Variants in PCDHGA11 observed in about 807,000 individuals in gnomAD.
PCDHGA11 encodes protocadherin gamma subfamily A, 11, also known as protocadherin gamma-A11.
A neutral mutation model predicts 60.4 loss-of-function variants in PCDHGA11; 39 were observed. The observed-to-expected ratio is 0.65, with a 90% CI of 0.50 to 0.84. The LOEUF (loss-of-function observed/expected upper bound fraction) is 0.84, where lower values mean the gene tolerates loss of function less well. PCDHGA11 is among the 40% of genes least tolerant of loss of function. The pLI is 0.00. For synonymous variants in PCDHGA11, 533 were observed against 510.3 expected (o/e 1.04, Z -0.60); for missense variants, 1,165 against 1,197.7 (o/e 0.97, Z 0.40).
At chr5:141,465,094 GT>G (rs138941665) in intron 1 of PCDHGA11, among the ~76,000 whole-genome samples, 203 of 148,178 alleles carry the variant, frequency 1.4e-3, no homozygotes, top group Admixed American at 7.3e-3. Context: ...TTTTCTAGTA[GT>G]TTTTTTTTTA....
chr5:141,443,588 A>T (rs1479393074), intron 1 of PCDHGA11, among the ~76,000 whole-genome samples: 3 of 152,240 alleles, frequency 2.0e-5, no homozygotes, highest in Non-Finnish European at 4.4e-5. Context: ...CTAAAACAGA[A>T]TGTGGTATAT....
At chr5:141,502,891 C>G (rs2099816930) in intron 2 of PCDHGA11, among the ~76,000 whole-genome samples, 1 of 117,990 alleles carries the variant, frequency 8.5e-6, no homozygotes, top group African/African-American at 3.4e-5. Context: ...GACAGGGAGT[C>G]TAGCTCTGTT....
intron 3 of PCDHGA11, 43 bp downstream of exon 3, chr5:141,505,524 G>A: frequency 6.2e-7 from 1 of 1,612,712 alleles, no homozygotes; most frequent in Non-Finnish European, 8.5e-7. Context: ...GGAGACCTGG[G>A]GTTCTGGGGT....
intron 1 of PCDHGA11, chr5:141,441,995 G>T: frequency 8.1e-6 from 2 of 246,740 alleles, no homozygotes; most frequent in Non-Finnish European, 8.0e-6. Flanking sequence ...CCGACGAGGT[G>T]CTGACAGCTC....
chr5:141,476,146 G>C lies in PCDHGA11; in HGVS notation c.2434-18661G>C. 1 of 1,611,402 alleles carries C rather than the reference G, an allele frequency of 6.2e-7. No individual in the cohort carries two copies. On this transcript the variant is annotated intron_variant, in intron 1 of 3. Transcript: ENST00000398587. This position sits in a 1 kb window ranked among gnomAD's most constrained non-coding sequence, Gnocchi z 7.6. ...TCCCAGAGGCCTGGAGGAGCGGACT[G>C]GTAAGCACCGGGAGGGTAGTGGGAG...
At chr5:141,495,193 T>G (rs1471524188) in intron 2 of PCDHGA11, among the ~76,000 whole-genome samples, 2 of 152,192 alleles carry the variant, frequency 1.3e-5, no homozygotes, top group Non-Finnish European at 2.9e-5. Flanking sequence ...TCTATGCCCA[T>G]GTACTGCCTA....
chr5:141,476,230 G>A lies in PCDHGA11; in HGVS notation c.2434-18577G>A, dbSNP rs906283645. On this transcript the variant is annotated intron_variant, in intron 1 of 3. Coordinates refer to ENST00000398587, the MANE Select transcript of PCDHGA11 (RefSeq NM_018914.3). This position sits in a 1 kb window ranked among gnomAD's most constrained non-coding sequence, Gnocchi z 7.6. Reference sequence around the variant, plus strand: ...CCACGGTCATTCACTATGAGATCCCGGAGGAAAGAGAGAAGGGTTTCGCTG... The same window carrying A: ...CCACGGTCATTCACTATGAGATCCCAGAGGAAAGAGAGAAGGGTTTCGCTG... The A allele has an allele frequency of 1.2e-6, 2 of 1,614,040 alleles. No homozygotes were observed. Among genetic ancestry groups the A allele is most frequent in the Non-Finnish European group, 1.7e-6 (2 of 1,180,024 alleles).
chr5:141,478,514 G>A, intron 1 of PCDHGA11: 2 of 1,611,534 alleles, frequency 1.2e-6, no homozygotes, highest in Non-Finnish European at 1.7e-6. Context: ...CTATAGGCAG[G>A]TGTTGGGTGC....
Position 141,486,445 on chromosome 5 carries a change from G to A in PCDHGA11, c.2434-8362G>A. On this transcript the variant is annotated intron_variant, in intron 1 of 3. Coordinates refer to ENST00000398587, the MANE Select transcript of PCDHGA11 (RefSeq NM_018914.3). The surrounding 1 kb of genome is among the most constrained non-coding windows in gnomAD (Gnocchi z 5.0). ...AGGCCAAATCTAGCTATGACATCAT[G>A]GTCACTGCTTCTGATGCTGGGAACC... 6.2e-7 allele frequency: 1 copy of A among 1,613,948 alleles called. No homozygotes were observed. The highest frequency in any genetic ancestry group is 8.5e-7 in the Non-Finnish European group (1 of 1,179,862).
chr5:141,510,814 C>CA, intron 3 of PCDHGA11, 133 bp from the exon 4 acceptor site: 1 of 1,544,688 alleles, frequency 6.5e-7, no homozygotes, highest in Admixed American at 1.8e-5. Flanking sequence ...TTGGTGACCC[C>CA]TATATTCCCA....
rs559433377 is a variant in PCDHGA11, at chr5:141,432,679, G to A, written c.2433+9019G>A. ...TGCTGGACAGAGACGCGCTCAAGCAGAGCCTCGTAGTGGCCGTCCAGGACC... is the reference window on the plus strand; with the variant it reads ...TGCTGGACAGAGACGCGCTCAAGCAAAGCCTCGTAGTGGCCGTCCAGGACC... On this transcript the variant is annotated intron_variant, in intron 1 of 3. Transcript: ENST00000398587. The surrounding 1 kb of genome is among the most constrained non-coding windows in gnomAD (Gnocchi z 6.0). The A allele has an allele frequency of 2.3e-4, 369 of 1,613,834 alleles. 1 individual carries two copies. The highest frequency in any genetic ancestry group is 1.7e-4 in the Middle Eastern group (1 of 6,056).
rs9324852 is a variant in PCDHGA11, at chr5:141,510,333, C to T, written c.2582-614C>T. On this transcript the variant is annotated intron_variant, in intron 3 of 3. Coordinates refer to ENST00000398587, the MANE Select transcript of PCDHGA11 (RefSeq NM_018914.3). ...AGGCTTGGAAGAGCACTCTTCACCC[C>T]CACCCCACACACTTACTAACGGAAC... Among the ~76,000 whole-genome samples the T allele has an allele frequency of 2.4e-3, 367 of 151,698 alleles. 1 individual carries two copies. Among genetic ancestry groups the T allele is most frequent in the African/African-American group, 8.4e-3 (348 of 41,384 alleles).
At chr5:141,428,204 C>T (rs756271858) in intron 1 of PCDHGA11, 23 of 1,324,604 alleles carry the variant, frequency 1.7e-5, no homozygotes, top group Admixed American at 5.5e-5. Flanking sequence ...TGCGCCGCTA[C>T]GCTTCACCTA....
chr5:141,430,234 A>G (rs2097268213), intron 1 of PCDHGA11, among the ~76,000 whole-genome samples: 1 of 130,034 alleles, frequency 7.7e-6, no homozygotes, highest in South Asian at 2.4e-4. Flanking sequence ...TGTCAAAAAG[A>G]GAAACTCCTA....
chr5:141,480,651 C>T (rs780138971), intron 1 of PCDHGA11, among the ~76,000 whole-genome samples: 1 of 152,174 alleles, frequency 6.6e-6, no homozygotes, highest in African/African-American at 2.4e-5. Flanking sequence ...CTTGGTTGCA[C>T]ATTAAAATCA....
Position 141,425,952 on chromosome 5 carries a change from T to C in PCDHGA11, c.2433+2292T>C, listed in dbSNP as rs1047436598. 3.9e-5 allele frequency among the ~76,000 whole-genome samples: 6 copies of C among 152,364 alleles called. No individual in the cohort carries two copies. In the South Asian group the frequency reaches 8.3e-4, roughly 21 times the overall value. ...ATAAAATGTCTAGTTTCCTATACATTAGTCCAACACATCAGTCTAATTCTG... is the reference window on the plus strand; with the variant it reads ...ATAAAATGTCTAGTTTCCTATACATCAGTCCAACACATCAGTCTAATTCTG... On this transcript the variant is annotated intron_variant, in intron 1 of 3. Coordinates refer to ENST00000398587, the MANE Select transcript of PCDHGA11 (RefSeq NM_018914.3).
At chr5:141,459,156 T>C (rs920698328) in intron 1 of PCDHGA11, among the ~76,000 whole-genome samples, 1 of 152,188 alleles carries the variant, frequency 6.6e-6, no homozygotes, top group Non-Finnish European at 1.5e-5. Flanking sequence ...ATATAGAACA[T>C]TTCTATAACC....
intron 1 of PCDHGA11, among the ~76,000 whole-genome samples, chr5:141,450,776 C>T (rs757791026): frequency 4.0e-5 from 6 of 151,440 alleles, no homozygotes; most frequent in Non-Finnish European, 8.8e-5. Context: ...CATGAGCCAC[C>T]GTGCCCGGAC....
intron 1 of PCDHGA11, among the ~76,000 whole-genome samples, chr5:141,460,270 C>T (rs1223096441): frequency 6.6e-6 from 1 of 151,828 alleles, no homozygotes; most frequent in Non-Finnish European, 1.5e-5. Context: ...TTTATTTTTT[C>T]TTTTATAGTT....
Sources: gnomAD v4.1 joint callset for allele counts (sites outside exome capture counted in the v4.1 genomes callset) on GRCh38, gnomAD v4.1.1 for gene constraint, Gnocchi (gnomAD v3.1) non-coding constraint, MANE v1.5 for transcripts, NCBI Gene and HGNC (gene_info 2026-07-23, HGNC 2026-07-21) for gene names.